Variants in HTR4 observed in about 807,000 individuals in gnomAD.
The protein encoded by HTR4 is 5-hydroxytryptamine (serotonin) receptor 4, G protein-coupled.
Under a neutral mutation model 36.8 loss-of-function variants are expected in HTR4, and 16 were observed. That is an observed-to-expected ratio of 0.43 (90% CI 0.29 to 0.66). The LOEUF (loss-of-function observed/expected upper bound fraction) is 0.66. Ranked by LOEUF, HTR4 falls within the 30% of genes least tolerant of loss-of-function variation. HTR4 has a pLI of 0.13. For synonymous variants in HTR4, 189 were observed against 185.1 expected (o/e 1.02, Z -0.17); for missense variants, 438 against 490.9 (o/e 0.89, Z 1.02).
intron 4 of HTR4, among the ~76,000 whole-genome samples, chr5:148,533,287 C>T (rs1321008255): frequency 1.3e-5 from 2 of 152,166 alleles, no homozygotes; most frequent in African/African-American, 4.8e-5. Flanking sequence ...CCAGGATTAA[C>T]TAAAATGAAG....
At chr5:148,605,258 T>G (rs1256254498) in intron 2 of HTR4, among the ~76,000 whole-genome samples, 1 of 137,558 alleles carries the variant, frequency 7.3e-6, no homozygotes, top group Non-Finnish European at 1.6e-5. Flanking sequence ...TTTCTTTTCT[T>G]TTTTTTTTTT....
chr5:148,619,214 C>G (rs1162181394), intron 2 of HTR4, among the ~76,000 whole-genome samples: 1 of 152,086 alleles, frequency 6.6e-6, no homozygotes, highest in Admixed American at 6.5e-5. Flanking sequence ...TTCCTTTTCA[C>G]CGGACCTCTC....
downstream of HTR4, among the ~76,000 whole-genome samples, chr5:148,474,141 C>T (rs781676579): frequency 1.1e-4 from 16 of 152,150 alleles, no homozygotes; most frequent in Non-Finnish European, 1.9e-4. Context: ...CTGGCTGGGA[C>T]AAGAGGTCCC....
intron 2 of HTR4, among the ~76,000 whole-genome samples, chr5:148,552,510 C>T (rs192151589): frequency 1.6e-4 from 24 of 152,274 alleles, no homozygotes; most frequent in East Asian, 3.9e-4. Context: ...TAGAGACTAA[C>T]GGCCCCCCTG....
intron 5 of HTR4, among the ~76,000 whole-genome samples, chr5:148,469,667 G>A (rs1216122819): frequency 1.3e-5 from 2 of 152,196 alleles, no homozygotes; most frequent in African/African-American, 4.8e-5. Flanking sequence ...GCAGTCCTGA[G>A]ACCAAATGGC....
At chr5:148,544,269 CTCTCTCTT>C (rs772234278) in intron 4 of HTR4, among the ~76,000 whole-genome samples, 27 of 151,424 alleles carry the variant, frequency 1.8e-4, no homozygotes, top group Middle Eastern at 3.4e-3. Flanking sequence ...CTTTCTCTCT[CTCTCTCTT>C]TCTCTCTTTC....
intron 4 of HTR4, among the ~76,000 whole-genome samples, chr5:148,536,310 T>C (rs977958835): frequency 5.3e-5 from 8 of 152,024 alleles, no homozygotes; most frequent in African/African-American, 1.9e-4. Context: ...CAATGATATA[T>C]AAAGCAACTA....
chr5:148,632,101 C>A (rs1431563647), intron 2 of HTR4, among the ~76,000 whole-genome samples: 2 of 152,026 alleles, frequency 1.3e-5, no homozygotes, highest in African/African-American at 4.8e-5. Flanking sequence ...CTCCTTCTTC[C>A]TTTACATCCT....
At chr5:148,573,540 C>T (rs141350569) in intron 2 of HTR4, among the ~76,000 whole-genome samples, 202 of 152,068 alleles carry the variant, frequency 1.3e-3, no homozygotes, top group African/African-American at 4.2e-3. Context: ...ATGTTCCAGC[C>T]TGGAAGTGAC....
intron 2 of HTR4, among the ~76,000 whole-genome samples, chr5:148,591,540 T>A (rs763572741): frequency 6.6e-6 from 1 of 152,188 alleles, no homozygotes; most frequent in Non-Finnish European, 1.5e-5. Flanking sequence ...ATTGCAGAGA[T>A]CTTTCACCTC....
chr5:148,532,022 C>T (rs770763090), intron 4 of HTR4, among the ~76,000 whole-genome samples: 3 of 152,138 alleles, frequency 2.0e-5, no homozygotes, highest in Non-Finnish European at 2.9e-5. Flanking sequence ...TGGTCTATGT[C>T]AGTAGTGCTG....
chr5:148,647,915 C>T (rs1753920971), intron 1 of HTR4, among the ~76,000 whole-genome samples: 1 of 152,088 alleles, frequency 6.6e-6, no homozygotes, highest in African/African-American at 2.4e-5. Flanking sequence ...AAGTCCCAGC[C>T]CAATTACCAC....
chr5:148,482,295 A>G lies in HTR4; in HGVS notation c.*908T>C. The G allele has an allele frequency of 1.0e-6, 1 of 985,462 alleles. No homozygotes were observed. Among genetic ancestry groups the G allele is most frequent in the African/African-American group, 1.7e-5 (1 of 57,352 alleles). The allele number at this position is 985,462 out of a possible 1,614,324, so 61.0% of individuals were successfully genotyped here. A position where few individuals can be genotyped will look rare whatever the true frequency, so the allele number is the denominator to read the frequency against. On this transcript the variant is annotated 3_prime_UTR_variant, in exon 7 of 7. Coordinates refer to ENST00000377888, the MANE Select transcript of HTR4 (RefSeq NM_000870.7). ...TTGAAGGGTTTCAAAATGATATCACAAGTTCATGGGAAAGATCCTGAAGCC... is the reference window on the plus strand; with the variant it reads ...TTGAAGGGTTTCAAAATGATATCACGAGTTCATGGGAAAGATCCTGAAGCC...
chr5:148,649,041 C>G (rs1290618747), intron 1 of HTR4, among the ~76,000 whole-genome samples: 1 of 152,158 alleles, frequency 6.6e-6, no homozygotes, highest in Non-Finnish European at 1.5e-5. Context: ...ACCTAGCCTT[C>G]TAACTAATAC....
At chr5:148,545,126 C>T (rs1456187515) in intron 4 of HTR4, among the ~76,000 whole-genome samples, 1 of 152,192 alleles carries the variant, frequency 6.6e-6, no homozygotes, top group South Asian at 2.1e-4. Flanking sequence ...CAGGATGGAC[C>T]CTCCAGCACT....
intron 6 of HTR4, among the ~76,000 whole-genome samples, chr5:148,499,445 A>G (rs1756836593): frequency 6.6e-6 from 1 of 152,114 alleles, no homozygotes; most frequent in Non-Finnish European, 1.5e-5. Context: ...TTACATTTTT[A>G]TGATTTATAT....
chr5:148,625,684 G>A (rs144468633), intron 2 of HTR4, among the ~76,000 whole-genome samples: 1,726 of 152,122 alleles, frequency 0.011, 37 homozygotes, highest in African/African-American at 0.04. Context: ...GGGTTCAAGC[G>A]ATTCGCCTGC....
rs1316121905 is a variant in HTR4, at chr5:148,484,169, G to C, written c.1077-876C>G. 10 of 1,329,454 alleles carry C rather than the reference G, an allele frequency of 7.5e-6. No individual in the cohort carries two copies. The African/African-American group carries it at 8.8e-5, about 12-fold the overall frequency. The allele number at this position is 1,329,454 out of a possible 1,614,324, so 82.4% of individuals were successfully genotyped here. ...ATAGGAAGATCAAATAATCTACAATGGTAGATATTTCAGTTTAGTGTCATC... is the reference window on the plus strand; with the variant it reads ...ATAGGAAGATCAAATAATCTACAATCGTAGATATTTCAGTTTAGTGTCATC... On this transcript the variant is annotated intron_variant, in intron 6 of 6. Coordinates refer to ENST00000377888, the MANE Select transcript of HTR4 (RefSeq NM_000870.7).
chr5:148,557,743 A>AT (rs1162222281), intron 2 of HTR4, among the ~76,000 whole-genome samples: 1 of 149,034 alleles, frequency 6.7e-6, no homozygotes, highest in Non-Finnish European at 1.5e-5. Context: ...TCAAGTGAAT[A>AT]TATGTATGTA....
Sources: allele counts gnomAD v4.1 joint callset (sites outside exome capture counted in the v4.1 genomes callset), GRCh38; gene constraint gnomAD v4.1.1; transcripts MANE v1.5; gene names NCBI Gene and HGNC (gene_info 2026-07-23, HGNC 2026-07-21).